Variants in NR5A1 observed in about 807,000 individuals in gnomAD.
NR5A1 encodes steroidogenic factor 1.
NR5A1 carries 6 observed loss-of-function variants against 42.7 expected under a neutral mutation model. The observed-to-expected ratio is 0.14, with a 90% CI of 0.08 to 0.28. The LOEUF is 0.28. Among genes scored for constraint, NR5A1 ranks in the 10% least tolerant of loss-of-function variants. The pLI, the probability that NR5A1 is intolerant of heterozygous loss-of-function variation, is 1.00. For missense variants in NR5A1, 442 were observed against 626.4 expected (o/e 0.71, Z 3.14); for synonymous variants, 274 against 277.5 (o/e 0.99, Z 0.12).
Position 124,503,241 on chromosome 9 carries a change from C to G in NR5A1, c.103-21G>C, listed in dbSNP as rs373046498. On this transcript the variant is annotated intron_variant, in intron 2 of 6. Transcript: ENST00000373588. This position sits in a 1 kb window ranked among gnomAD's most constrained non-coding sequence, Gnocchi z 9.6. Reference sequence around the variant, plus strand: ...AAGCCCTGCGGGAGCTGAGAGTCAGCGAGGCCCCGCAGCGCCCGTCTGCCG... The same window carrying G: ...AAGCCCTGCGGGAGCTGAGAGTCAGGGAGGCCCCGCAGCGCCCGTCTGCCG... The G allele has an allele frequency of 1.2e-6, 2 of 1,603,440 alleles. No homozygotes were observed. The highest frequency in any genetic ancestry group is 1.7e-5 in the Admixed American group (1 of 58,972).
Position 124,501,624 on chromosome 9 carries a change from G to A in NR5A1, c.245-909C>T, listed in dbSNP as rs1355705221. ...CTGGCCAATCTTCCTGCCCCCTGGG[G>A]TGGGCAGCGCTGTGCTGCTCGCAGG... On this transcript the variant is annotated intron_variant, in intron 3 of 6. Coordinates refer to ENST00000373588, the MANE Select transcript of NR5A1 (RefSeq NM_004959.5). The surrounding 1 kb of genome is among the most constrained non-coding windows in gnomAD (Gnocchi z 4.1). 6.6e-6 allele frequency among the ~76,000 whole-genome samples: 1 copy of A among 152,192 alleles called. No individual in the cohort carries two copies. The highest frequency in any genetic ancestry group is 3.2e-3 in the Middle Eastern group (1 of 316).
intron 6 of NR5A1, among the ~76,000 whole-genome samples, chr9:124,488,399 C>A (rs1170492252): frequency 6.6e-6 from 1 of 152,102 alleles, no homozygotes; most frequent in Non-Finnish European, 1.5e-5. Flanking sequence ...CCTCTGGCAC[C>A]CCCAACCTCA....
At chr9:124,504,814 C>G (rs912827843) in intron 1 of NR5A1, among the ~76,000 whole-genome samples, 1 of 146,412 alleles carries the variant, frequency 6.8e-6, no homozygotes, top group Non-Finnish European at 1.5e-5. Flanking sequence ...CCGCTCGGGC[C>G]GGGGACGGGG....
chr9:124,483,579 A>T (rs1201991666), intron 6 of NR5A1, among the ~76,000 whole-genome samples: 1 of 152,082 alleles, frequency 6.6e-6, no homozygotes, highest in Non-Finnish European at 1.5e-5. Context: ...AGCTGCTCTC[A>T]CCGCCGTCAT....
At position 124,500,316 on chromosome 9, in the gene NR5A1, T is replaced by G; in HGVS notation, c.644A>C (p.Glu215Ala). 2 of 1,560,728 alleles carry G rather than the reference T, an allele frequency of 1.3e-6. No homozygotes were observed. The highest frequency in any genetic ancestry group is 1.7e-6 in the Non-Finnish European group (2 of 1,152,924). ...PQPGLPYGYP[E>A]PFSGGPNVPE... ...CACGTTGGGCCCTCCAGAGAAGGGC[T>G]CTGGGTAGCCGTACGGCAGCCCAGG... The change falls in exon 4 of 7, where the codon GAG becomes GCG. Residue 215 changes from glutamate to alanine, a missense_variant. By Grantham distance (107) the Glu-to-Ala change is moderately radical. Around this residue, in one of 3 missense-constraint regions of NR5A1, gnomAD observed 208 missense variants for 203.8 expected, o/e 1.02. Coordinates refer to ENST00000373588, the MANE Select transcript of NR5A1 (RefSeq NM_004959.5). The surrounding 1 kb of genome is among the most constrained non-coding windows in gnomAD (Gnocchi z 6.9).
chr9:124,488,145 T>TC (rs386416195), intron 6 of NR5A1, among the ~76,000 whole-genome samples: 14 of 150,368 alleles, frequency 9.3e-5, no homozygotes, highest in Admixed American at 4.0e-4. Context: ...GCTGCTTGTT[T>TC]TTTTTTCACC....
chr9:124,495,778 C>T (rs1015308891), intron 4 of NR5A1, among the ~76,000 whole-genome samples: 1 of 152,214 alleles, frequency 6.6e-6, no homozygotes, highest in Non-Finnish European at 1.5e-5. Flanking sequence ...TGGCCCAGCC[C>T]TGGGAGCAGG....
intron 4 of NR5A1, among the ~76,000 whole-genome samples, chr9:124,499,849 A>G (rs2131286245): frequency 6.6e-6 from 1 of 152,280 alleles, no homozygotes; most frequent in Middle Eastern, 3.4e-3. Flanking sequence ...GCAGAGATCA[A>G]AGCAGCAGTG....
In NR5A1 at chr9:124,482,341, A is replaced by G. The variant is rs1252779566; in HGVS notation, c.*417T>C. The G allele has an allele frequency of 6.5e-6, 2 of 306,414 alleles. No individual in the cohort carries two copies. The highest frequency in any genetic ancestry group is 4.3e-5 in the African/African-American group (2 of 46,200). The allele number at this position is 306,414 out of a possible 1,614,324, so 19.0% of individuals were successfully genotyped here. On this transcript the variant is annotated 3_prime_UTR_variant, in exon 7 of 7. Coordinates refer to ENST00000373588, the MANE Select transcript of NR5A1 (RefSeq NM_004959.5). Reference sequence around the variant, plus strand: ...TCCTCCCCTAGTTGATACCTGCTCAACTTCTCCCTGTCTGTTTCCAGGAGA... The same window carrying G: ...TCCTCCCCTAGTTGATACCTGCTCAGCTTCTCCCTGTCTGTTTCCAGGAGA...
At position 124,503,489 on chromosome 9, in the gene NR5A1, G is replaced by C; in HGVS notation, c.-15-79C>G. Reference sequence around the variant, plus strand: ...CCCCGCGGCCGCCGCCCCAGCCGCTGTCGCCGGCCCGTCGCGTAATCCCCT... The same window carrying C: ...CCCCGCGGCCGCCGCCCCAGCCGCTCTCGCCGGCCCGTCGCGTAATCCCCT... On this transcript the variant is annotated intron_variant, in intron 1 of 6. Transcript: ENST00000373588. This position sits in a 1 kb window ranked among gnomAD's most constrained non-coding sequence, Gnocchi z 9.6. 1 of 1,214,558 alleles carries C rather than the reference G, an allele frequency of 8.2e-7. No homozygotes were observed. 75.2% of individuals were successfully genotyped at this position (1,214,558 alleles called of 1,614,324 possible). A position where few individuals can be genotyped will look rare whatever the true frequency, so the allele number is the denominator to read the frequency against.
Position 124,501,535 on chromosome 9 carries a change from C to T in NR5A1, c.245-820G>A, listed in dbSNP as rs1588622616. Among the ~76,000 whole-genome samples, 2 of 152,262 alleles carry T rather than the reference C, an allele frequency of 1.3e-5. No homozygotes were observed. Among genetic ancestry groups the T allele is most frequent in the African/African-American group, 4.8e-5 (2 of 41,554 alleles). ...ACAGGGCCCCACCCTGGGATCTGGGCGAGGGGAAAGAGCAGGAGAGAGGGG... is the reference window on the plus strand; with the variant it reads ...ACAGGGCCCCACCCTGGGATCTGGGTGAGGGGAAAGAGCAGGAGAGAGGGG... On this transcript the variant is annotated intron_variant, in intron 3 of 6. Transcript: ENST00000373588. The surrounding 1 kb of genome is among the most constrained non-coding windows in gnomAD (Gnocchi z 4.1).
rs949685535 is a variant in NR5A1 at position 124,496,844 on chromosome 9, C to G, written c.870+3246G>C. ...GCACTCCTGGCCCCCACCGTCCCCCCGGGTCCTCCCTTGCATCCTCCCAGC... is the reference window on the plus strand; with the variant it reads ...GCACTCCTGGCCCCCACCGTCCCCCGGGGTCCTCCCTTGCATCCTCCCAGC... On this transcript the variant is annotated intron_variant, in intron 4 of 6. Coordinates refer to ENST00000373588, the MANE Select transcript of NR5A1 (RefSeq NM_004959.5). This position sits in a 1 kb window ranked among gnomAD's most constrained non-coding sequence, Gnocchi z 5.0. Among the ~76,000 whole-genome samples the G allele has an allele frequency of 1.3e-5, 2 of 152,222 alleles. No homozygotes were observed. Among genetic ancestry groups the G allele is most frequent in the African/African-American group, 4.8e-5 (2 of 41,466 alleles).
At position 124,491,247 on chromosome 9, in the gene NR5A1, G is replaced by A; in HGVS notation, c.991-19C>T. Reference sequence around the variant, plus strand: ...GCTCCACCTGGGGGCAGAGGGCACGGGGCGGGGGACAGTCAGAGGACGTGG... The same window carrying A: ...GCTCCACCTGGGGGCAGAGGGCACGAGGCGGGGGACAGTCAGAGGACGTGG... On this transcript the variant is annotated intron_variant, in intron 5 of 6. Coordinates refer to ENST00000373588, the MANE Select transcript of NR5A1 (RefSeq NM_004959.5). 1 of 1,585,020 alleles carries A rather than the reference G, an allele frequency of 6.3e-7. No homozygotes were observed. Among genetic ancestry groups the A allele is most frequent in the South Asian group, 1.1e-5 (1 of 88,684 alleles).
rs2131284971 is a variant in NR5A1, at chr9:124,498,511, G to A, written c.870+1579C>T. Among the ~76,000 whole-genome samples the A allele has an allele frequency of 6.6e-6, 1 of 152,314 alleles. No individual in the cohort carries two copies. The highest frequency in any genetic ancestry group is 1.9e-4 in the East Asian group (1 of 5,174). Reference sequence around the variant, plus strand: ...GGAAGGCAGCCAGAGGAAGTGCCCTGCCCCTCAATCCAGGGTTCTGGAAGG... The same window carrying A: ...GGAAGGCAGCCAGAGGAAGTGCCCTACCCCTCAATCCAGGGTTCTGGAAGG... On this transcript the variant is annotated intron_variant, in intron 4 of 6. Coordinates refer to ENST00000373588, the MANE Select transcript of NR5A1 (RefSeq NM_004959.5). This position sits in a 1 kb window ranked among gnomAD's most constrained non-coding sequence, Gnocchi z 4.6.
chr9:124,489,053 G>T (rs1159185078), intron 6 of NR5A1, among the ~76,000 whole-genome samples: 1 of 152,252 alleles, frequency 6.6e-6, no homozygotes, highest in East Asian at 1.9e-4. Flanking sequence ...AGAGGGCTCA[G>T]CTCTGCCATC....
At chr9:124,488,030 G>A (rs1192498974) in intron 6 of NR5A1, among the ~76,000 whole-genome samples, 1 of 151,944 alleles carries the variant, frequency 6.6e-6, no homozygotes, top group East Asian at 1.9e-4. Context: ...CTGTCCCCTC[G>A]CCAGCCTACT....
At chr9:124,486,778 A>T (rs1358329247) in intron 6 of NR5A1, among the ~76,000 whole-genome samples, 2 of 152,232 alleles carry the variant, frequency 1.3e-5, no homozygotes, top group African/African-American at 4.8e-5. Context: ...CAACGCACAG[A>T]ACACCACACC....
intron 6 of NR5A1, among the ~76,000 whole-genome samples, chr9:124,485,542 G>A (rs1317658552): frequency 6.6e-6 from 1 of 152,146 alleles, no homozygotes; most frequent in African/African-American, 2.4e-5. Flanking sequence ...GCCCAGCCCA[G>A]GCTCCTCACC....
rs1832142489 is a variant in NR5A1 at position 124,482,511 on chromosome 9, C to T, written c.*247G>A. The T allele has an allele frequency of 1.8e-6, 1 of 564,292 alleles. No individual in the cohort carries two copies. Among genetic ancestry groups the T allele is most frequent in the Non-Finnish European group, 3.2e-6 (1 of 315,444 alleles). 35.0% of individuals were successfully genotyped at this position (564,292 alleles called of 1,614,324 possible). On this transcript the variant is annotated 3_prime_UTR_variant, in exon 7 of 7. Transcript: ENST00000373588. Reference sequence around the variant, plus strand: ...GGGGCGGGTGGTTAACAGCCACCTCCTTGGGGCACTCCAAGCAGCAGGCAA... The same window carrying T: ...GGGGCGGGTGGTTAACAGCCACCTCTTTGGGGCACTCCAAGCAGCAGGCAA...
Sources: allele counts gnomAD v4.1 joint callset (sites outside exome capture counted in the v4.1 genomes callset), GRCh38; gene constraint gnomAD v4.1.1; regional missense constraint gnomAD v4.1.1; non-coding constraint Gnocchi (gnomAD v3.1); transcripts MANE v1.5; gene names NCBI Gene and HGNC (gene_info 2026-07-23, HGNC 2026-07-21).